The following PKIB variants were observed in gnomAD, a reference collection of about 807,000 sequenced individuals.
PKIB encodes the protein cAMP-dependent protein kinase inhibitor beta, also known as PKI-beta.
PKIB carries 2 observed loss-of-function variants against 4.5 expected under a neutral mutation model. The observed-to-expected ratio is 0.44, with a 90% CI of 0.18 to 1.39. The LOEUF (loss-of-function observed/expected upper bound fraction) is 1.39, where lower values mean the gene tolerates loss of function less well. Among genes scored for constraint, PKIB ranks in the 40% most tolerant of loss-of-function variants. The pLI is 0.27. For synonymous variants in PKIB, 38 were observed against 36.0 expected (o/e 1.06, Z -0.20); for missense variants, 94 against 92.6 (o/e 1.02, Z -0.06).
chr6:122,618,511 C>T (rs889418466), intron 1 of PKIB, among the ~76,000 whole-genome samples: 7 of 151,830 alleles, frequency 4.6e-5, no homozygotes, highest in Non-Finnish European at 8.8e-5. Context: ...TCAGAAATTT[C>T]AGAATAGTTT....
At chr6:122,557,002 T>A (rs1772863483) in intron 2 of PKIB, among the ~76,000 whole-genome samples, 1 of 152,158 alleles carries the variant, frequency 6.6e-6, no homozygotes, top group African/African-American at 2.4e-5. Flanking sequence ...TTACTTGAGG[T>A]CAGAGGTCTG....
intron 1 of PKIB, among the ~76,000 whole-genome samples, chr6:122,617,013 A>C (rs981091353): frequency 6.6e-5 from 10 of 152,114 alleles, no homozygotes; most frequent in Admixed American, 2.6e-4. Context: ...CAGCCTTTCT[A>C]CCCTTCTAAT....
At chr6:122,561,988 G>GTTTTTTTTTTTTTTT (rs796363707) in intron 2 of PKIB, among the ~76,000 whole-genome samples, 3 of 24,276 alleles carry the variant, frequency 1.2e-4, no homozygotes, top group Non-Finnish European at 1.7e-4. Context: ...TTTTTTGTTT[G>GTTTTTTTTTTTTTTT]TTTTTGTTTT....
intron 2 of PKIB, among the ~76,000 whole-genome samples, chr6:122,541,432 T>C (rs1414396304): frequency 6.6e-6 from 1 of 151,852 alleles, no homozygotes; most frequent in Non-Finnish European, 1.5e-5. Context: ...TATTTCTCCT[T>C]CACTTATGAA....
At chr6:122,591,571 G>A (rs1327022521) in intron 3 of PKIB, among the ~76,000 whole-genome samples, 1 of 152,074 alleles carries the variant, frequency 6.6e-6, no homozygotes, top group East Asian at 1.9e-4. Context: ...ACTTCATTCA[G>A]TAGAATAGTA....
At chr6:122,605,242 A>G (rs547058424), upstream of PKIB, among the ~76,000 whole-genome samples, 7 of 152,294 alleles carry the variant, frequency 4.6e-5, no homozygotes, top group East Asian at 1.3e-3. Context: ...ATTCTCTCAC[A>G]TCATCACTCT....
chr6:122,541,031 C>G (rs572372534), intron 2 of PKIB, among the ~76,000 whole-genome samples: 2,053 of 150,840 alleles, frequency 0.014, 57 homozygotes, highest in African/African-American at 0.049. Flanking sequence ...TTTCCATTTG[C>G]TTGGTAGATC....
chr6:122,680,910 T>C (rs1003517451), intron 3 of PKIB, among the ~76,000 whole-genome samples: 2 of 152,212 alleles, frequency 1.3e-5, no homozygotes, highest in Admixed American at 6.5e-5. Context: ...TAGGATAGAA[T>C]AAATTCTTAA....
intron 3 of PKIB, among the ~76,000 whole-genome samples, chr6:122,704,728 C>CTGTGTGTGTGTGTGTG (rs113825379): frequency 2.3e-4 from 34 of 149,298 alleles, no homozygotes; most frequent in South Asian, 8.7e-4. Context: ...GAAATAATAA[C>CTGTGTGTGTGTGTGTG]TGTGTGTGTG....
At chr6:122,570,505 G>A (rs1261822581) in intron 2 of PKIB, among the ~76,000 whole-genome samples, 1 of 152,164 alleles carries the variant, frequency 6.6e-6, no homozygotes, top group Non-Finnish European at 1.5e-5. Context: ...ATGGGAGAAT[G>A]AGATAAGCTT....
intron 1 of PKIB, among the ~76,000 whole-genome samples, chr6:122,625,682 A>G (rs1476813822): frequency 6.6e-6 from 1 of 151,996 alleles, no homozygotes; most frequent in Non-Finnish European, 1.5e-5. Context: ...ACTTTTTTTA[A>G]AAAGCTATGA....
intron 2 of PKIB, among the ~76,000 whole-genome samples, chr6:122,559,132 C>A (rs898076708): frequency 2.6e-5 from 4 of 151,894 alleles, no homozygotes; most frequent in African/African-American, 9.7e-5. Flanking sequence ...TGACAAAGGA[C>A]TGATATCCAG....
At chr6:122,714,847 TCTCGG>T (rs1277659313) in intron 3 of PKIB, among the ~76,000 whole-genome samples, 1 of 152,192 alleles carries the variant, frequency 6.6e-6, no homozygotes, top group African/African-American at 2.4e-5. Flanking sequence ...AGTGGCGCAG[TCTCGG>T]CTCACTGCAG....
At chr6:122,583,165 T>C (rs2114712363) in intron 2 of PKIB, among the ~76,000 whole-genome samples, 1 of 152,154 alleles carries the variant, frequency 6.6e-6, no homozygotes, top group Non-Finnish European at 1.5e-5. Context: ...AAACGAAGCT[T>C]TAGTGAAGAT....
At chr6:122,566,652 G>T (rs1239071808) in intron 2 of PKIB, among the ~76,000 whole-genome samples, 3 of 147,782 alleles carry the variant, frequency 2.0e-5, no homozygotes, top group Admixed American at 1.4e-4. Flanking sequence ...CTTCCTTCCT[G>T]CCTTCCTTCC....
intron 1 of PKIB, among the ~76,000 whole-genome samples, chr6:122,477,120 A>G (rs1246134019): frequency 6.6e-6 from 1 of 152,202 alleles, no homozygotes; most frequent in African/African-American, 2.4e-5. Context: ...AAAATTCTTA[A>G]TAGAATGTTT....
At chr6:122,502,970 T>A (rs757942156) in intron 2 of PKIB, among the ~76,000 whole-genome samples, 2 of 152,210 alleles carry the variant, frequency 1.3e-5, no homozygotes, top group Non-Finnish European at 2.9e-5. Context: ...TTCTGGAGCC[T>A]GGGAAGTCCA....
At chr6:122,574,235 C>A (rs956961619) in intron 2 of PKIB, among the ~76,000 whole-genome samples, 3 of 151,896 alleles carry the variant, frequency 2.0e-5, no homozygotes, top group African/African-American at 7.2e-5. Flanking sequence ...GGTGAAAGAT[C>A]ACCTACACTG....
intron 4 of PKIB, among the ~76,000 whole-genome samples, chr6:122,720,192 A>T (rs943780245): frequency 3.9e-5 from 6 of 152,124 alleles, no homozygotes; most frequent in Non-Finnish European, 7.4e-5. Flanking sequence ...TTTATTTTTA[A>T]TTTTTTTAAT....
Sources: gnomAD v4.1 joint callset for allele counts (sites outside exome capture counted in the v4.1 genomes callset) on GRCh38, gnomAD v4.1.1 for gene constraint, MANE v1.5 for transcripts, NCBI Gene and HGNC (gene_info 2026-07-23, HGNC 2026-07-21) for gene names.